Variants in LAMA3 observed in about 807,000 individuals in gnomAD.
LAMA3 encodes laminin subunit alpha-3.
LAMA3 carries 281 observed loss-of-function variants against 402.0 expected under a neutral mutation model. The ratio of observed to expected loss-of-function variants is 0.70; its 90% confidence interval spans 0.63 to 0.77. The LOEUF (loss-of-function observed/expected upper bound fraction) is 0.77. Ranked by LOEUF, LAMA3 falls within the 30% of genes least tolerant of loss-of-function variation. The probability of loss-of-function intolerance (pLI) is 0.00; values close to 1 mark genes in which losing one functional copy is unlikely to be tolerated. For synonymous variants in LAMA3, 1,431 were observed against 1,558.4 expected, an observed-to-expected ratio of 0.92 and a Z score of 1.93; for missense variants, 3,840 against 4,215.5, an observed-to-expected ratio of 0.91 and a Z score of 2.47.
At chr18:23,856,864 C>A (rs1387781964) in intron 32 of LAMA3, among the ~76,000 whole-genome samples, 3 of 152,198 alleles carry the variant, frequency 2.0e-5, no homozygotes, top group Admixed American at 6.5e-5. Flanking sequence ...CATCCCTCCT[C>A]CCCATCTGGA....
At chr18:23,732,107 A>G (rs184533649) in intron 2 of LAMA3, among the ~76,000 whole-genome samples, 9 of 152,270 alleles carry the variant, frequency 5.9e-5, no homozygotes, top group African/African-American at 2.2e-4. Flanking sequence ...TGGATCATTT[A>G]TTAAAATGAT....
At chr18:23,718,768 C>T (rs1431933169) in intron 2 of LAMA3, among the ~76,000 whole-genome samples, 1 of 152,204 alleles carries the variant, frequency 6.6e-6, no homozygotes, top group South Asian at 2.1e-4. Flanking sequence ...AGTTCCCACA[C>T]CTGTTCCCTT....
intron 1 of LAMA3, among the ~76,000 whole-genome samples, chr18:23,691,867 C>G (rs552911322): frequency 6.6e-6 from 1 of 152,130 alleles, no homozygotes; most frequent in African/African-American, 2.4e-5. Context: ...CCACTGCACC[C>G]GGCCTGATTT....
chr18:23,833,939 T>A lies in LAMA3; in HGVS notation c.2935T>A (p.Ser979Thr), dbSNP rs1445147176. 1.2e-6 allele frequency: 2 copies of A among 1,614,102 alleles called. No individual in the cohort carries two copies. The highest frequency in any genetic ancestry group is 2.7e-5 in the African/African-American group (2 of 74,938). Reference sequence around the variant, plus strand: ...TGTGGTTGATGTGAATGTGAAGAGCTCCGGGTCTGTTCTGGCAGGCCAGGT... The same window carrying A: ...TGTGGTTGATGTGAATGTGAAGAGCACCGGGTCTGTTCTGGCAGGCCAGGT... ...LFVVDVNVKS[S>T]GSVLAGQVNI... The change falls in exon 24 of 75, where the codon TCC becomes ACC. Residue 979 changes from serine to threonine, a missense_variant. This residue lies in a region of LAMA3 where 2,109 missense variants were observed against 2,376.0 expected (regional missense o/e 0.89). Coordinates refer to ENST00000313654, the MANE Select transcript of LAMA3 (RefSeq NM_198129.4).
intron 18 of LAMA3, among the ~76,000 whole-genome samples, chr18:23,817,908 C>T (rs1351624944): frequency 6.6e-6 from 1 of 152,082 alleles, no homozygotes. Context: ...AATCCCAGTA[C>T]TTTGGGGGGC....
rs11872895 is a variant in LAMA3, at chr18:23,740,656, G to C, written c.448-7287G>C. On this transcript the variant is annotated intron_variant, in intron 2 of 74. Coordinates refer to ENST00000313654, the MANE Select transcript of LAMA3 (RefSeq NM_198129.4). ...ACAGGGTGTGGGCATTTAAATTCTG[G>C]GCAGGCTGCCATGTGGGATGGAGAG... is the stretch of plus-strand genomic sequence containing the variant. Among the ~76,000 whole-genome samples the C allele has an allele frequency of 5.6e-3, 847 of 152,132 alleles. 7 individuals carry two copies. The highest frequency in any genetic ancestry group is 0.019 in the African/African-American group (808 of 41,490).
Position 23,689,888 on chromosome 18 carries a change from A to C in LAMA3, c.205A>C (p.Arg69=), listed in dbSNP as rs778562842. 20 of 1,540,222 alleles carry C rather than the reference A, an allele frequency of 1.3e-5. No homozygotes were observed. In the Middle Eastern group the frequency reaches 1.0e-3, roughly 77 times the overall value. ...RIWATATCGE[R]GPGEGRPQPE... ...TTGGGCCACCGCCACCTGCGGGGAG[A>C]GGGGACCCGGCGAGGGGAGGCCCCA... Residue 69 remains arginine (R), a synonymous_variant, in exon 1 of 75, where the codon AGG becomes CGG. Coordinates refer to ENST00000313654, the MANE Select transcript of LAMA3 (RefSeq NM_198129.4).
intron 39 of LAMA3, among the ~76,000 whole-genome samples, chr18:23,877,199 G>A (rs1482427367): frequency 6.6e-6 from 1 of 152,158 alleles, no homozygotes; most frequent in Non-Finnish European, 1.5e-5. Context: ...CCGCCTGCCT[G>A]TTCCCTATAT....
intron 12 of LAMA3, among the ~76,000 whole-genome samples, chr18:23,799,311 T>C (rs958352667): frequency 2.6e-5 from 4 of 152,212 alleles, no homozygotes; most frequent in African/African-American, 4.8e-5. Context: ...AAGAGCAGAA[T>C]TGAAATATTT....
At chr18:23,950,238 G>C (rs1168074744) in intron 72 of LAMA3, 79 bp downstream of exon 72, 6 of 1,542,232 alleles carry the variant, frequency 3.9e-6, no homozygotes, top group Admixed American at 1.7e-5. Flanking sequence ...GGTCAGGTTT[G>C]TAGTAGAGAA....
intron 21 of LAMA3, among the ~76,000 whole-genome samples, chr18:23,825,003 G>C (rs945702509): frequency 3.3e-5 from 5 of 152,134 alleles, no homozygotes; most frequent in Non-Finnish European, 5.9e-5. Flanking sequence ...TCTGGAGATT[G>C]TGTAGAACCA....
chr18:23,747,010 C>G (rs1465160719), intron 2 of LAMA3, among the ~76,000 whole-genome samples: 1 of 151,902 alleles, frequency 6.6e-6, no homozygotes, highest in Non-Finnish European at 1.5e-5. Flanking sequence ...ACTAGAGGAG[C>G]CTGTGGTTCA....
intron 56 of LAMA3, among the ~76,000 whole-genome samples, chr18:23,913,147 G>A (rs1461958779): frequency 6.6e-6 from 1 of 152,222 alleles, no homozygotes; most frequent in Non-Finnish European, 1.5e-5. Context: ...GTGTGTACAT[G>A]TAAAAAACAT....
chr18:23,889,667 G>T (rs1353485478), intron 41 of LAMA3, among the ~76,000 whole-genome samples: 1 of 105,674 alleles, frequency 9.5e-6, no homozygotes. Flanking sequence ...AGGAGGGAGG[G>T]GGGAGGGAGG....
At chr18:23,796,187 G>T (rs780462725) in intron 12 of LAMA3, 8 of 312,240 alleles carry the variant, frequency 2.6e-5, no homozygotes, top group South Asian at 2.1e-4. Flanking sequence ...GCAGCTCAAG[G>T]TGACTAATAC....
chr18:23,815,604 C>A, intron 17 of LAMA3, 31 bp downstream of exon 17: 1 of 1,408,058 alleles, frequency 7.1e-7, no homozygotes, highest in Non-Finnish European at 1.0e-6. Context: ...CTGAGCAAAG[C>A]ACAGTGTTGA....
In LAMA3 at chr18:23,890,123, G is replaced by A. The variant is rs1195146494; in HGVS notation, c.5410+6G>A. ...CTGTCATCCCCTGACTGGAGGTAAG[G>A]CCGACCCACACCCCTGCTAACTTGC... On this transcript the variant is annotated splice_donor_region_variant and intron_variant, in intron 42 of 74. Coordinates refer to ENST00000313654, the MANE Select transcript of LAMA3 (RefSeq NM_198129.4). 6.3e-7 allele frequency: 1 copy of A among 1,577,610 alleles called. No individual in the cohort carries two copies. Among genetic ancestry groups the A allele is most frequent in the East Asian group, 2.2e-5 (1 of 44,692 alleles).
chr18:23,867,144 C>T (rs1296801148), intron 36 of LAMA3, among the ~76,000 whole-genome samples: 1 of 152,194 alleles, frequency 6.6e-6, no homozygotes, highest in Non-Finnish European at 1.5e-5. Flanking sequence ...CAACCCTCTG[C>T]CCTCCCCACC....
At chr18:23,810,021 C>T (rs1430026693) in intron 12 of LAMA3, among the ~76,000 whole-genome samples, 1 of 152,162 alleles carries the variant, frequency 6.6e-6, no homozygotes, top group Non-Finnish European at 1.5e-5. Context: ...CACCCAGCAC[C>T]TGCAAATCTT....
Sources: gnomAD v4.1 joint callset for allele counts (sites outside exome capture counted in the v4.1 genomes callset) on GRCh38, gnomAD v4.1.1 for gene constraint, gnomAD v4.1.1 regional missense constraint, MANE v1.5 for transcripts, NCBI Gene and HGNC (gene_info 2026-07-23, HGNC 2026-07-21) for gene names.